FGF1: variants seen among roughly 807,000 people sequenced by gnomAD.
FGF1 encodes the protein beta-endothelial cell growth factor.
FGF1 carries 9 observed loss-of-function variants against 13.4 expected under a neutral mutation model. The observed-to-expected ratio is 0.67, with a 90% CI of 0.40 to 1.17. FGF1 has a LOEUF of 1.17. Ranked by LOEUF, FGF1 falls within the 50% of genes most tolerant of loss-of-function variation. The pLI is 0.01. For missense variants in FGF1, 156 were observed against 192.7 expected, an observed-to-expected ratio of 0.81 and a Z score of 1.13; for synonymous variants, 93 against 79.0, an observed-to-expected ratio of 1.18 and a Z score of -0.94.
At chr5:142,623,612 G>C (rs1170091938) in intron 1 of FGF1, among the ~76,000 whole-genome samples, 2 of 151,906 alleles carry the variant, frequency 1.3e-5, no homozygotes, top group African/African-American at 4.8e-5. Context: ...GCCTCCCAGA[G>C]TGCTGGGATT....
At chr5:142,691,419 CTCAA>C (rs1159224312) in intron 2 of FGF1, among the ~76,000 whole-genome samples, 10 of 122,916 alleles carry the variant, frequency 8.1e-5, no homozygotes, top group African/African-American at 3.5e-4. Context: ...GAGACTCTGT[CTCAA>C]ATAAAATAAA....
intron 1 of FGF1, among the ~76,000 whole-genome samples, chr5:142,636,114 G>T (rs569628758): frequency 1.3e-5 from 2 of 152,368 alleles, no homozygotes; most frequent in East Asian, 3.9e-4. Context: ...TGCTGTGTGA[G>T]GCTGGAGCCG....
chr5:142,592,618 G>A lies in FGF1; in HGVS notation c.*2672C>T, dbSNP rs1323118208. 1 of 395,014 alleles carries A rather than the reference G, an allele frequency of 2.5e-6. No homozygotes were observed. Among genetic ancestry groups the A allele is most frequent in the Non-Finnish European group, 4.5e-6 (1 of 224,294 alleles). The allele number at this position is 395,014 out of a possible 1,614,324, so 24.5% of individuals were successfully genotyped here. A position where few individuals can be genotyped will look rare whatever the true frequency, so the allele number is the denominator to read the frequency against. ...AAGACAGCAATGGGAATGTCCCCAGGTTAATAAACTAGAGCATGTTCAAAA... is the reference window on the plus strand; with the variant it reads ...AAGACAGCAATGGGAATGTCCCCAGATTAATAAACTAGAGCATGTTCAAAA... On this transcript the variant is annotated 3_prime_UTR_variant, in exon 4 of 4. Transcript: ENST00000337706.
chr5:142,696,134 G>T (rs896581150), intron 2 of FGF1, among the ~76,000 whole-genome samples: 4 of 152,132 alleles, frequency 2.6e-5, no homozygotes, highest in Non-Finnish European at 5.9e-5. Context: ...TACTCTCAAG[G>T]ATCTCTAGGA....
chr5:142,643,212 G>A (rs6893408), intron 1 of FGF1, among the ~76,000 whole-genome samples: 21,831 of 151,696 alleles, frequency 0.14, 1,680 homozygotes, highest in Middle Eastern at 0.15. Context: ...CTAAATCAAG[G>A]TCATAACAAT....
chr5:142,672,694 G>T (rs985003215), intron 1 of FGF1, among the ~76,000 whole-genome samples: 2 of 151,884 alleles, frequency 1.3e-5, no homozygotes, highest in Non-Finnish European at 2.9e-5. Context: ...TAGTAGAGAT[G>T]GGGTTTCACC....
At chr5:142,596,399 A>G (rs1267200539) in intron 3 of FGF1, among the ~76,000 whole-genome samples, 176 of 132,836 alleles carry the variant, frequency 1.3e-3, no homozygotes, top group African/African-American at 2.5e-3. Context: ...GAGCCCAGGA[A>G]TTTGAGGCCA....
intron 1 of FGF1, among the ~76,000 whole-genome samples, chr5:142,640,591 C>A (rs1765040627): frequency 6.6e-6 from 1 of 151,990 alleles, no homozygotes; most frequent in South Asian, 2.1e-4. Flanking sequence ...GGATGCGGTA[C>A]CTTCTTCCAG....
chr5:142,689,769 G>T (rs995648188), upstream of FGF1, among the ~76,000 whole-genome samples: 1 of 143,176 alleles, frequency 7.0e-6, no homozygotes, highest in Non-Finnish European at 1.5e-5. Flanking sequence ...GCGCGATCTC[G>T]GCTCATGGAA....
chr5:142,612,617 C>CTTTT (rs77284157), intron 2 of FGF1, among the ~76,000 whole-genome samples: 16 of 148,546 alleles, frequency 1.1e-4, no homozygotes, highest in African/African-American at 3.9e-4. Flanking sequence ...AAACTAGAGT[C>CTTTT]TTTTTTTTTT....
chr5:142,609,172 T>C (rs1173775872), intron 2 of FGF1, among the ~76,000 whole-genome samples: 2 of 152,022 alleles, frequency 1.3e-5, no homozygotes, highest in African/African-American at 4.8e-5. Context: ...GGCTGCAAGG[T>C]AGGATTGTTT....
chr5:142,676,482 T>C (rs949458950), intron 1 of FGF1, among the ~76,000 whole-genome samples: 1 of 152,204 alleles, frequency 6.6e-6, no homozygotes, highest in Non-Finnish European at 1.5e-5. Context: ...ATTATCTCTA[T>C]TTTATGGAAT....
chr5:142,650,570 T>A (rs906953572), intron 1 of FGF1, among the ~76,000 whole-genome samples: 2 of 152,186 alleles, frequency 1.3e-5, no homozygotes, highest in African/African-American at 2.4e-5. Flanking sequence ...ACTTCTTAAG[T>A]GGCCAATAAA....
intron 1 of FGF1, among the ~76,000 whole-genome samples, chr5:142,617,166 A>T (rs1008220304): frequency 6.6e-6 from 1 of 152,012 alleles, no homozygotes; most frequent in Admixed American, 6.5e-5. Flanking sequence ...AGCGTTCAAG[A>T]CCAGTCTGGC....
At chr5:142,600,476 A>C (rs2282793) in intron 3 of FGF1, among the ~76,000 whole-genome samples, 10,586 of 152,300 alleles carry the variant, frequency 0.07, 602 homozygotes, top group African/African-American at 0.14. Flanking sequence ...ATCAATCTTT[A>C]CTCTGTGTTT....
chr5:142,621,021 C>T (rs1761477150), intron 1 of FGF1, among the ~76,000 whole-genome samples: 2 of 152,192 alleles, frequency 1.3e-5, no homozygotes, highest in South Asian at 4.1e-4. Context: ...AGCACAGACC[C>T]AGCACCTGTC....
At chr5:142,670,489 T>C (rs1354604350) in intron 1 of FGF1, among the ~76,000 whole-genome samples, 1 of 152,244 alleles carries the variant, frequency 6.6e-6, no homozygotes, top group East Asian at 1.9e-4. Context: ...CACGGTGTGG[T>C]GCTTTGCCTA....
chr5:142,656,497 A>G (rs529322643), intron 1 of FGF1, among the ~76,000 whole-genome samples: 5 of 152,364 alleles, frequency 3.3e-5, no homozygotes, highest in African/African-American at 9.6e-5. Flanking sequence ...GGAAAACAGC[A>G]TACTTATGTG....
rs142545354 is a variant in FGF1 at position 142,663,638 on chromosome 5, G to A, written c.-35+22319C>T. ...GCTTATACGTACACAGCCCACAGCGGAGGAGGGAGGTCTTGGGGTCAAAAA... is the reference window on the plus strand; with the variant it reads ...GCTTATACGTACACAGCCCACAGCGAAGGAGGGAGGTCTTGGGGTCAAAAA... On this transcript the variant is annotated intron_variant, in intron 1 of 3. Coordinates refer to ENST00000337706, the MANE Select transcript of FGF1 (RefSeq NM_000800.5). Among the ~76,000 whole-genome samples the A allele has an allele frequency of 1.2e-3, 181 of 152,378 alleles. 1 individual carries two copies. The highest frequency in any genetic ancestry group is 4.0e-3 in the African/African-American group (165 of 41,588).
Sources: gnomAD v4.1 joint callset for allele counts (sites outside exome capture counted in the v4.1 genomes callset) on GRCh38, gnomAD v4.1.1 for gene constraint, MANE v1.5 for transcripts, NCBI Gene and HGNC (gene_info 2026-07-23, HGNC 2026-07-21) for gene names.